Variants in SEPTIN2 observed in about 807,000 individuals in gnomAD.
SEPTIN2 encodes the protein septin-2.
Under a neutral mutation model 46.5 loss-of-function variants are expected in SEPTIN2, and 34 were observed. The ratio of observed to expected loss-of-function variants is 0.73; its 90% CI spans 0.56 to 0.97. The LOEUF is 0.97. Ranked by LOEUF, SEPTIN2 falls within the 50% of genes least tolerant of loss-of-function variation. The probability of loss-of-function intolerance (pLI) is 0.00; values close to 1 mark genes in which losing one functional copy is unlikely to be tolerated. For synonymous variants in SEPTIN2, 175 were observed against 153.4 expected (o/e 1.14, Z -1.04); for missense variants, 347 against 448.4 (o/e 0.77, Z 2.04).
At chr2:241,337,842 G>A (rs778241799) in intron 7 of SEPTIN2, 52 bp downstream of exon 7, 2 of 1,295,790 alleles carry the variant, frequency 1.5e-6, no homozygotes, top group Non-Finnish European at 1.1e-6. Context: ...CGGGGGCATG[G>A]GGATGAAGAA....
intron 7 of SEPTIN2, among the ~76,000 whole-genome samples, 195 bp downstream of exon 7, chr2:241,337,985 T>G (rs2080318948): frequency 6.6e-6 from 1 of 152,202 alleles, no homozygotes; most frequent in Non-Finnish European, 1.5e-5. Context: ...CATGAAGGTA[T>G]CAAATTTCTA....
intron 7 of SEPTIN2, 136 bp from the exon 8 acceptor site, chr2:241,342,856 G>A (rs1411559895): frequency 1.7e-6 from 1 of 596,564 alleles, no homozygotes; most frequent in Admixed American, 3.1e-5. Context: ...AAATTTATTT[G>A]ACAGTAACTT....
chr2:241,353,321 C>A lies in SEPTIN2; in HGVS notation c.*1384C>A, dbSNP rs979431451. The A allele has an allele frequency of 6.6e-6, 1 of 152,168 alleles. No homozygotes were observed. The highest frequency in any genetic ancestry group is 2.4e-5 in the African/African-American group (1 of 41,426). The allele number at this position is 152,168 out of a possible 1,614,324, so 9.4% of individuals were successfully genotyped here. A position where few individuals can be genotyped will look rare whatever the true frequency, so the allele number is the denominator to read the frequency against. Reference sequence around the variant, plus strand: ...AGTGTCACCTTTCTTCTTGTGTCTCCTTATGGTACACTCCAGCGGTTGCCT... The same window carrying A: ...AGTGTCACCTTTCTTCTTGTGTCTCATTATGGTACACTCCAGCGGTTGCCT... On this transcript the variant is annotated 3_prime_UTR_variant, in exon 13 of 13. Transcript: ENST00000391971.
chr2:241,319,476 G>A (rs918424811), intron 1 of SEPTIN2, among the ~76,000 whole-genome samples: 2 of 152,236 alleles, frequency 1.3e-5, no homozygotes, highest in Non-Finnish European at 2.9e-5. Context: ...AATAATTATG[G>A]AAGGGCATTC....
chr2:241,337,354 T>G, intron 5 of SEPTIN2, 28 bp from the exon 6 acceptor site: 1 of 1,604,080 alleles, frequency 6.2e-7, no homozygotes, highest in Non-Finnish European at 8.5e-7. Flanking sequence ...TACCCTATGA[T>G]TATTGTTAAT....
chr2:241,349,983 A>T, intron 11 of SEPTIN2, 90 bp from the exon 12 acceptor site: 2 of 1,270,164 alleles, frequency 1.6e-6, no homozygotes, highest in Non-Finnish European at 2.2e-6. Flanking sequence ...AAGGTGTAGA[A>T]GTTGAAATTT....
chr2:241,335,427 CT>C, intron 4 of SEPTIN2: 2 of 1,321,082 alleles, frequency 1.5e-6, no homozygotes, highest in Non-Finnish European at 1.1e-6. Flanking sequence ...TCCATCCTCT[CT>C]TGAGTTTGTC....
intron 2 of SEPTIN2, 28 bp downstream of exon 2, chr2:241,324,269 C>T (rs762251574): frequency 1.9e-6 from 3 of 1,592,492 alleles, no homozygotes; most frequent in Non-Finnish European, 1.7e-6. Flanking sequence ...GTATCTACAG[C>T]ATAAGGAGAA....
At chr2:241,327,508 CA>C (rs573510324) in intron 3 of SEPTIN2, among the ~76,000 whole-genome samples, 129 of 125,348 alleles carry the variant, frequency 1.0e-3, no homozygotes, top group South Asian at 4.9e-3. Context: ...GACAGGAAAG[CA>C]AAAAAAAAAA....
At chr2:241,335,920 A>C in intron 4 of SEPTIN2, 55 bp from the exon 5 acceptor site, 7 of 1,613,404 alleles carry the variant, frequency 4.3e-6, no homozygotes, top group Non-Finnish European at 5.9e-6. Context: ...TAAGAACGTG[A>C]GCTTTCCTCT....
chr2:241,346,449 T>G, intron 10 of SEPTIN2, 200 bp downstream of exon 10: 1 of 379,934 alleles, frequency 2.6e-6, no homozygotes, highest in Non-Finnish European at 4.8e-6. Context: ...TTTAATGATA[T>G]GCACGTAAAA....
chr2:241,316,464 C>G, intron 1 of SEPTIN2: 2 of 1,489,032 alleles, frequency 1.3e-6, no homozygotes, highest in South Asian at 1.3e-5. Flanking sequence ...AGCCCATCGG[C>G]TGGATGCCGT....
chr2:241,340,760 G>A (rs1575337299), intron 7 of SEPTIN2, among the ~76,000 whole-genome samples: 1 of 152,048 alleles, frequency 6.6e-6, no homozygotes, highest in Admixed American at 6.6e-5. Context: ...TCCTTCTTGG[G>A]CCTCATTAAT....
At chr2:241,334,997 T>C in intron 3 of SEPTIN2, 129 bp from the exon 4 acceptor site, 1 of 645,136 alleles carries the variant, frequency 1.6e-6, no homozygotes, top group Non-Finnish European at 2.7e-6. Flanking sequence ...ATAGTAGTAC[T>C]GTAGGTACTA....
rs530393341 is a variant in SEPTIN2, at chr2:241,346,125, T to C, written c.843-41T>C. On this transcript the variant is annotated intron_variant, in intron 9 of 12. Transcript: ENST00000391971. The stretch of plus-strand genomic sequence containing the variant: ...GGTTTTTTTTCTCATGAGAATGTCA[T>C]GTGCATGATGCCACCTTGGTGCATT... 1.0e-3 allele frequency: 1,505 copies of C among 1,453,038 alleles called. 35 individuals carry two copies. The South Asian group carries it at 0.017, about 16-fold the overall frequency. 90.0% of individuals were successfully genotyped at this position (1,453,038 alleles called of 1,614,324 possible).
chr2:241,333,234 G>A (rs1292448989), intron 3 of SEPTIN2, among the ~76,000 whole-genome samples: 1 of 152,100 alleles, frequency 6.6e-6, no homozygotes, highest in Non-Finnish European at 1.5e-5. Context: ...AAAAATGGGT[G>A]TATCAGGAAA....
intron 1 of SEPTIN2, among the ~76,000 whole-genome samples, chr2:241,322,085 G>A (rs1455092446): frequency 6.6e-6 from 1 of 152,130 alleles, no homozygotes; most frequent in Non-Finnish European, 1.5e-5. Context: ...AAAGTAGCTG[G>A]GAACATTTCC....
intron 7 of SEPTIN2, among the ~76,000 whole-genome samples, chr2:241,341,420 C>T (rs34329027): frequency 0.19 from 29,033 of 152,144 alleles, 3,093 homozygotes; most frequent in Middle Eastern, 0.35. Context: ...ACTCTTCTCT[C>T]CTCCAAAGTG....
intron 1 of SEPTIN2, among the ~76,000 whole-genome samples, chr2:241,322,590 T>C (rs2077293341): frequency 6.8e-6 from 1 of 147,942 alleles, no homozygotes; most frequent in African/African-American, 2.5e-5. Flanking sequence ...CGGGAGACAA[T>C]GCGAGACTCC....
Sources: gnomAD v4.1 joint callset for allele counts (sites outside exome capture counted in the v4.1 genomes callset) on GRCh38, gnomAD v4.1.1 for gene constraint, MANE v1.5 for transcripts, NCBI Gene and HGNC (gene_info 2026-07-23, HGNC 2026-07-21) for gene names.